The following SPAG16 variants were observed in gnomAD, a reference collection of about 807,000 sequenced individuals.
The protein encoded by SPAG16 is sperm associated antigen 16.
SPAG16 carries 86 observed loss-of-function variants against 80.4 expected under a neutral mutation model. The observed-to-expected ratio is 1.07, with a 90% CI of 0.90 to 1.28. The LOEUF (loss-of-function observed/expected upper bound fraction) is 1.28, where lower values mean the gene tolerates loss of function less well. Ranked by LOEUF, SPAG16 falls within the 50% of genes most tolerant of loss-of-function variation. The pLI is 0.00. For synonymous variants in SPAG16, 294 were observed against 265.9 expected, an observed-to-expected ratio of 1.11 and a Z score of -1.03; for missense variants, 870 against 765.3, an observed-to-expected ratio of 1.14 and a Z score of -1.61.
chr2:213,786,331 G>A (rs1049380383), intron 10 of SPAG16, among the ~76,000 whole-genome samples: 5 of 152,140 alleles, frequency 3.3e-5, no homozygotes, highest in Non-Finnish European at 7.3e-5. Flanking sequence ...TGGAGTTTAA[G>A]TGGTGACTTT....
At chr2:214,276,098 A>G (rs1047262497) in intron 15 of SPAG16, among the ~76,000 whole-genome samples, 1 of 152,112 alleles carries the variant, frequency 6.6e-6, no homozygotes, top group African/African-American at 2.4e-5. Context: ...CTGTTTTATC[A>G]GAGACTAGAA....
intron 10 of SPAG16, among the ~76,000 whole-genome samples, chr2:213,529,513 G>A (rs1372552078): frequency 6.6e-6 from 1 of 152,182 alleles, no homozygotes; most frequent in Non-Finnish European, 1.5e-5. Flanking sequence ...AACAAGCTGA[G>A]TGTGTTCTGA....
intron 4 of SPAG16, among the ~76,000 whole-genome samples, chr2:213,315,982 T>A (rs1410941950): frequency 6.6e-6 from 1 of 151,968 alleles, no homozygotes; most frequent in Non-Finnish European, 1.5e-5. Flanking sequence ...TACTTTCATT[T>A]CCCACTGCCT....
chr2:214,102,327 G>A (rs2053107041), intron 13 of SPAG16, among the ~76,000 whole-genome samples: 1 of 151,886 alleles, frequency 6.6e-6, no homozygotes, highest in Admixed American at 6.6e-5. Context: ...TTGTTAATGA[G>A]GAGTGATATG....
At chr2:213,909,081 A>T (rs7420676) in intron 11 of SPAG16, among the ~76,000 whole-genome samples, 89,031 of 151,858 alleles carry the variant, frequency 0.59, 27,875 homozygotes, top group South Asian at 0.84. Flanking sequence ...TATACACCAA[A>T]AACAGACAAA....
At chr2:213,680,638 C>G (rs370265355) in intron 10 of SPAG16, among the ~76,000 whole-genome samples, 1 of 152,124 alleles carries the variant, frequency 6.6e-6, no homozygotes, top group Non-Finnish European at 1.5e-5. Context: ...TACACTTTCT[C>G]TTCCTAATAA....
intron 9 of SPAG16, among the ~76,000 whole-genome samples, chr2:213,439,234 A>AT (rs1261706330): frequency 1.3e-5 from 2 of 152,240 alleles, no homozygotes; most frequent in East Asian, 3.8e-4. Flanking sequence ...TAAAATTGAC[A>AT]TAGACTGTTG....
At chr2:213,861,900 A>G (rs1422723975) in intron 10 of SPAG16, among the ~76,000 whole-genome samples, 1 of 152,176 alleles carries the variant, frequency 6.6e-6, no homozygotes, top group African/African-American at 2.4e-5. Context: ...TAATTTGTGT[A>G]CTGTGCATTG....
intron 15 of SPAG16, among the ~76,000 whole-genome samples, chr2:214,196,440 C>T (rs1383157582): frequency 2.6e-5 from 4 of 151,978 alleles, no homozygotes; most frequent in Admixed American, 2.6e-4. Context: ...AGAGGCCATC[C>T]GTATTGACTG....
chr2:214,216,381 G>C (rs1200325718), intron 15 of SPAG16, among the ~76,000 whole-genome samples: 2 of 152,132 alleles, frequency 1.3e-5, no homozygotes. Flanking sequence ...GAATGCAGTG[G>C]CACGATCTCA....
chr2:213,842,933 A>G (rs2074434947), intron 10 of SPAG16, among the ~76,000 whole-genome samples: 1 of 151,926 alleles, frequency 6.6e-6, no homozygotes, highest in Admixed American at 6.5e-5. Flanking sequence ...CTCAGCTAAT[A>G]TTTTCACTTT....
At chr2:214,006,016 G>C (rs2047010234) in intron 12 of SPAG16, among the ~76,000 whole-genome samples, 2 of 151,880 alleles carry the variant, frequency 1.3e-5, no homozygotes, top group Non-Finnish European at 2.9e-5. Flanking sequence ...ATTTTATTTT[G>C]GTTCAATTAT....
rs532713417 is a variant in SPAG16, at chr2:213,392,794, C to T, written c.942+17675C>T. On this transcript the variant is annotated intron_variant, in intron 9 of 15. Coordinates refer to ENST00000331683, the MANE Select transcript of SPAG16 (RefSeq NM_024532.5). ...CCGGGAGGCAGAGGCTGCAGTGAGC[C>T]GAGATTGCACTACTGCACTCCATCC... Among the ~76,000 whole-genome samples, 7 of 151,462 alleles carry T rather than the reference C, an allele frequency of 4.6e-5. No homozygotes were observed. The South Asian group carries it at 6.3e-4, about 14-fold the overall frequency.
intron 15 of SPAG16, among the ~76,000 whole-genome samples, chr2:214,407,242 T>G (rs1179789880): frequency 6.6e-6 from 1 of 152,096 alleles, no homozygotes; most frequent in African/African-American, 2.4e-5. Flanking sequence ...TCATAAATTG[T>G]TATAATTATT....
chr2:213,451,620 A>G (rs1239987882), intron 9 of SPAG16, among the ~76,000 whole-genome samples: 1 of 152,222 alleles, frequency 6.6e-6, no homozygotes, highest in East Asian at 1.9e-4. Flanking sequence ...GCAAAAGAAA[A>G]GAACAGCTCT....
intron 9 of SPAG16, among the ~76,000 whole-genome samples, chr2:213,489,031 C>T (rs2074120320): frequency 6.8e-6 from 1 of 146,614 alleles, no homozygotes; most frequent in Admixed American, 6.8e-5. Context: ...GCCAAGATCC[C>T]GCCACTGCAA....
chr2:214,342,673 A>G (rs566647814), intron 15 of SPAG16, among the ~76,000 whole-genome samples: 1 of 152,118 alleles, frequency 6.6e-6, no homozygotes, highest in African/African-American at 2.4e-5. Flanking sequence ...AATAAATGTA[A>G]TGTGCTTGAA....
At chr2:214,077,459 A>C (rs532408401) in intron 13 of SPAG16, among the ~76,000 whole-genome samples, 8 of 152,344 alleles carry the variant, frequency 5.3e-5, no homozygotes, top group African/African-American at 1.7e-4. Flanking sequence ...CCTTATTCTC[A>C]GTTTTTGGGA....
At chr2:213,539,527 T>G (rs2076359064) in intron 10 of SPAG16, among the ~76,000 whole-genome samples, 1 of 152,164 alleles carries the variant, frequency 6.6e-6, no homozygotes, top group Non-Finnish European at 1.5e-5. Context: ...CACTATAGAA[T>G]GTTTGTGTCT....
Sources: allele counts gnomAD v4.1 joint callset (sites outside exome capture counted in the v4.1 genomes callset), GRCh38; gene constraint gnomAD v4.1.1; transcripts MANE v1.5; gene names NCBI Gene and HGNC (gene_info 2026-07-23, HGNC 2026-07-21).